Variants in COL9A3 observed in about 807,000 individuals in gnomAD.
The protein encoded by COL9A3 is collagen alpha-3(IX) chain.
A neutral mutation model predicts 110.2 loss-of-function variants in COL9A3; 82 were observed. The ratio of observed to expected loss-of-function variants is 0.74; its 90% confidence interval spans 0.62 to 0.89. The LOEUF is 0.89. Among genes scored for constraint, COL9A3 ranks in the 40% least tolerant of loss-of-function variants. The pLI, the probability that COL9A3 is intolerant of heterozygous loss-of-function variation, is 0.00. For missense variants in COL9A3, 1,066 were observed against 981.3 expected, an observed-to-expected ratio of 1.09 and a Z score of -1.15; for synonymous variants, 494 against 403.8, an observed-to-expected ratio of 1.22 and a Z score of -2.68.
chr20:62,822,241 C>A (rs2063518586), intron 9 of COL9A3, 77 bp downstream of exon 9: 3 of 843,448 alleles, frequency 3.6e-6, no homozygotes, highest in Admixed American at 3.4e-5. Flanking sequence ...CATTCCCCCT[C>A]CCCAGGCTCC....
chr20:62,832,956 T>C (rs2063608197), intron 25 of COL9A3, 64 bp from the exon 26 acceptor site: 2 of 1,425,412 alleles, frequency 1.4e-6, no homozygotes, highest in East Asian at 2.3e-5. Context: ...GCAGGGACTT[T>C]AAGGCATGAA....
chr20:62,821,217 G>T lies in COL9A3; in HGVS notation c.345+1G>T. The T allele has an allele frequency of 6.2e-7, 1 of 1,613,290 alleles. No individual in the cohort carries two copies. The highest frequency in any genetic ancestry group is 8.5e-7 in the Non-Finnish European group (1 of 1,179,748). On this transcript the variant is annotated splice_donor_variant, in intron 6 of 31. Coordinates refer to ENST00000649368, the MANE Select transcript of COL9A3 (RefSeq NM_001853.4). LOFTEE classifies it high-confidence loss of function. ...ACCCCCGGGGCCGCCCGGGCTGGGGGTGAGTATGGAGTGTGGTCCTCTCCT... is the reference window on the plus strand; with the variant it reads ...ACCCCCGGGGCCGCCCGGGCTGGGGTTGAGTATGGAGTGTGGTCCTCTCCT...
chr20:62,835,400 C>T (rs934766075), intron 26 of COL9A3, among the ~76,000 whole-genome samples: 4 of 152,242 alleles, frequency 2.6e-5, no homozygotes, highest in African/African-American at 9.6e-5. Context: ...ATGAGGAACC[C>T]ACTGCGGAGA....
Position 62,838,766 on chromosome 20 carries a change from G to C in COL9A3, c.1864+5G>C, listed in dbSNP as rs759435903. 6.4e-7 allele frequency: 1 copy of C among 1,551,186 alleles called. No individual in the cohort carries two copies. The highest frequency in any genetic ancestry group is 1.2e-5 in the South Asian group (1 of 84,046). ...AAGGAGACCAGGGGCCCCAAGGTAC[G>C]AGTCCACGGCCAGCAAGGCTTCACT... On this transcript the variant is annotated splice_donor_5th_base_variant and intron_variant, in intron 31 of 31. Transcript: ENST00000649368.
At chr20:62,822,920 A>C (rs965679273) in intron 10 of COL9A3, among the ~76,000 whole-genome samples, 3 of 152,192 alleles carry the variant, frequency 2.0e-5, no homozygotes, top group Admixed American at 6.5e-5. Flanking sequence ...CAATCATGTC[A>C]CAGAGCCATC....
intron 11 of COL9A3, 63 bp from the exon 12 acceptor site, chr20:62,824,905 G>A (rs2063538163): frequency 1.3e-6 from 2 of 1,519,294 alleles, no homozygotes; most frequent in African/African-American, 1.4e-5. Flanking sequence ...CCTCACTTCA[G>A]TGTTGCCAGG....
chr20:62,832,908 G>C lies in COL9A3; in HGVS notation c.1324-112G>C, dbSNP rs1306182371. 4.7e-6 allele frequency: 5 copies of C among 1,056,060 alleles called. No homozygotes were observed. The African/African-American group carries it at 4.8e-5, about 10-fold the overall frequency. 65.4% of individuals were successfully genotyped at this position (1,056,060 alleles called of 1,614,324 possible). Reference sequence around the variant, plus strand: ...CCCTGGGGCCTGGGCTTTTGGCCTCGACCTTAAGATGAACATTACACCTAC... The same window carrying C: ...CCCTGGGGCCTGGGCTTTTGGCCTCCACCTTAAGATGAACATTACACCTAC... On this transcript the variant is annotated intron_variant, in intron 25 of 31. Coordinates refer to ENST00000649368, the MANE Select transcript of COL9A3 (RefSeq NM_001853.4).
Position 62,822,162 on chromosome 20 carries a change from C to T in COL9A3, c.475C>T (p.Pro159Ser), listed in dbSNP as rs527349987. 3 of 1,568,394 alleles carry T rather than the reference C, an allele frequency of 1.9e-6. No homozygotes were observed. The highest frequency in any genetic ancestry group is 3.3e-5 in the Admixed American group (2 of 59,930). ...TGGTCCCCCAGGACCTCCCGGACCC[C>T]CTGTAAGTACTGGGCAGAGGCTCTA... Reference protein sequence around the residue: ...LPGPPGPPGPPGHPGVLPEGA... With the variant: ...LPGPPGPPGPSGHPGVLPEGA... Residue 159 changes from proline (P) to serine (S), a missense_variant and splice_region_variant, in exon 9 of 32, where the codon CCT (proline) becomes TCT (serine). Transcript: ENST00000649368.
chr20:62,826,673 G>A, intron 14 of COL9A3, 94 bp from the exon 15 acceptor site: 1 of 1,376,794 alleles, frequency 7.3e-7, no homozygotes, highest in East Asian at 2.4e-5. Flanking sequence ...TAGAGGAAGG[G>A]CTGCTTGTGT....
At chr20:62,828,401 G>A (rs565915496) in intron 17 of COL9A3, among the ~76,000 whole-genome samples, 6 of 152,366 alleles carry the variant, frequency 3.9e-5, no homozygotes, top group African/African-American at 1.4e-4. Context: ...GCTGTGTCCT[G>A]ATTCCAAAAC....
At position 62,817,575 on chromosome 20, in the gene COL9A3, A is replaced by ACTCCCCGGC. The variant is rs1161033128; in HGVS notation, c.89_97dup (p.Leu30_Gly32dup). 2 of 1,544,170 alleles carry ACTCCCCGGC rather than the reference A, an allele frequency of 1.3e-6. No individual in the cohort carries two copies. The highest frequency in any genetic ancestry group is 2.8e-5 in the African/African-American group (2 of 72,662). ...AGTTTTCTCCGTTTCAGAGAGTGGG[A>ACTCCCCGGC]CTCCCCGGCCCCCCCGGCCCCCCAG... On this transcript the variant is annotated inframe_insertion, in exon 2 of 32. Transcript: ENST00000649368.
chr20:62,837,191 T>C lies in COL9A3; in HGVS notation c.1712T>C (p.Ile571Thr), dbSNP rs776019119. The change falls in exon 30 of 32, where the codon ATT (isoleucine) becomes ACT (threonine). Residue 571 changes from isoleucine to threonine, a missense_variant. Transcript: ENST00000649368. ...GGGCCCCCAGGACCCCCAGGCTCCA[T>C]TGGTCACCCTGGCGCTCGAGGACCC... ...PPGPPGPPGS[I>T]GHPGARGPPG... 8.7e-6 allele frequency: 14 copies of C among 1,612,634 alleles called. No homozygotes were observed. Among genetic ancestry groups the C allele is most frequent in the East Asian group, 2.2e-5 (1 of 44,878 alleles).
Position 62,825,832 on chromosome 20 carries a change from C to A in COL9A3, c.646C>A (p.Pro216Thr), listed in dbSNP as rs747639454. The A allele has an allele frequency of 1.3e-6, 2 of 1,555,488 alleles. No individual in the cohort carries two copies. Among genetic ancestry groups the A allele is most frequent in the Non-Finnish European group, 1.7e-6 (2 of 1,149,392 alleles). Reference sequence around the variant, plus strand: ...TCTGTTTCAGGGTGACCCTGGCCCCCCTGGGCCCGCCGGCCTCCCGGGCAG... The same window carrying A: ...TCTGTTTCAGGGTGACCCTGGCCCCACTGGGCCCGCCGGCCTCCCGGGCAG... ...KDGEKGDPGPPGPAGLPGSVG... is the reference protein window; with the variant it reads ...KDGEKGDPGPTGPAGLPGSVG... The change falls in exon 13 of 32, where the codon CCT (proline) becomes ACT (threonine). Residue 216 changes from proline (P) to threonine (T), a missense_variant. Transcript: ENST00000649368.
At chr20:62,840,466 G>A (rs2063668340) in intron 31 of COL9A3, 76 bp from the exon 32 acceptor site, 3 of 1,343,682 alleles carry the variant, frequency 2.2e-6, no homozygotes, top group Non-Finnish European at 3.2e-6. Context: ...AGCAGGGCTT[G>A]CCCACAGCTG....
At chr20:62,831,019 C>G (rs749610130) in intron 24 of COL9A3, 1 of 153,242 alleles carries the variant, frequency 6.5e-6, no homozygotes. Context: ...CTGGCGGGAC[C>G]TGCACACGGT....
chr20:62,833,316 G>A (rs2063610639), intron 26 of COL9A3, among the ~76,000 whole-genome samples: 1 of 152,264 alleles, frequency 6.6e-6, no homozygotes, highest in Non-Finnish European at 1.5e-5. Context: ...GCTCAGACGT[G>A]TGGGCTCCCG....
intron 9 of COL9A3, among the ~76,000 whole-genome samples, 188 bp from the exon 10 acceptor site, chr20:62,822,403 G>C (rs2294989): frequency 1.3e-5 from 2 of 151,860 alleles, no homozygotes; most frequent in East Asian, 3.9e-4. Flanking sequence ...GGATTCTGTC[G>C]TTGTCACATG....
At position 62,821,776 on chromosome 20, in the gene COL9A3, G is replaced by GC; in HGVS notation, c.395dup (p.Gly133ArgfsTer35). On this transcript the variant is annotated frameshift_variant, in exon 8 of 32. Transcript: ENST00000649368. LOFTEE classifies it high-confidence loss of function. Reference sequence around the variant, plus strand: ...CTCCAGGGAGAGGCAGGAGTGAGCGGCCCCCCAGGTGGGATCGGCCTCCGC... The same window carrying GC: ...CTCCAGGGAGAGGCAGGAGTGAGCGGCCCCCCCAGGTGGGATCGGCCTCCGC... 6 of 1,610,368 alleles carry GC rather than the reference G, an allele frequency of 3.7e-6. No individual in the cohort carries two copies. The highest frequency in any genetic ancestry group is 1.7e-5 in the Admixed American group (1 of 59,926).
At chr20:62,828,012 C>T in intron 17 of COL9A3, 36 bp downstream of exon 17, 1 of 1,610,824 alleles carries the variant, frequency 6.2e-7, no homozygotes, top group Non-Finnish European at 8.5e-7. Context: ...ATGCTCCTCC[C>T]CCGGGTCCTG....
Sources: allele counts gnomAD v4.1 joint callset (sites outside exome capture counted in the v4.1 genomes callset), GRCh38; gene constraint gnomAD v4.1.1; transcripts MANE v1.5; gene names NCBI Gene and HGNC (gene_info 2026-07-23, HGNC 2026-07-21).